Variants in SLC2A13 observed in about 807,000 individuals in gnomAD.
SLC2A13 encodes the protein solute carrier family 2 member 13, also known as proton myo-inositol cotransporter.
SLC2A13 carries 32 observed loss-of-function variants against 64.4 expected under a neutral mutation model. The observed-to-expected ratio is 0.50, with a 90% CI of 0.37 to 0.67. The LOEUF is 0.67. Among genes scored for constraint, SLC2A13 ranks in the 30% least tolerant of loss-of-function variants. SLC2A13 has a pLI of 0.00. For missense variants in SLC2A13, 743 were observed against 829.2 expected, an observed-to-expected ratio of 0.90 and a Z score of 1.28; for synonymous variants, 338 against 327.1, an observed-to-expected ratio of 1.03 and a Z score of -0.36.
intron 7 of SLC2A13, among the ~76,000 whole-genome samples, chr12:39,796,211 C>T (rs1477952890): frequency 5.9e-5 from 9 of 152,132 alleles, no homozygotes; most frequent in African/African-American, 2.2e-4. Flanking sequence ...CATTCACTCC[C>T]ACGATGTAGG....
At chr12:40,027,284 T>C (rs1355819984) in intron 3 of SLC2A13, among the ~76,000 whole-genome samples, 1 of 152,194 alleles carries the variant, frequency 6.6e-6, no homozygotes, top group East Asian at 1.9e-4. Context: ...AATGCTGACA[T>C]TGCTGGACAC....
chr12:39,805,299 C>G (rs1049617583), intron 7 of SLC2A13, among the ~76,000 whole-genome samples: 1 of 152,190 alleles, frequency 6.6e-6, no homozygotes, highest in African/African-American at 2.4e-5. Context: ...TGTGGCTGCT[C>G]TGCTTTGCAG....
chr12:39,879,134 T>C (rs1430014143), intron 4 of SLC2A13, among the ~76,000 whole-genome samples: 1 of 152,258 alleles, frequency 6.6e-6, no homozygotes, highest in Non-Finnish European at 1.5e-5. Flanking sequence ...AAGTGAAGAA[T>C]GCTTGGCAGC....
At chr12:39,783,556 C>T (rs530192250) in intron 7 of SLC2A13, among the ~76,000 whole-genome samples, 32 of 152,268 alleles carry the variant, frequency 2.1e-4, no homozygotes, top group African/African-American at 2.9e-4. Flanking sequence ...TTTTAATGAT[C>T]GCCATTCTAA....
At chr12:39,994,271 T>C (rs1453482236) in intron 3 of SLC2A13, among the ~76,000 whole-genome samples, 1 of 151,432 alleles carries the variant, frequency 6.6e-6, no homozygotes, top group Non-Finnish European at 1.5e-5. Flanking sequence ...TAGTCCCAGC[T>C]ACTCGGCAGG....
chr12:39,850,878 G>A (rs1433000120), intron 6 of SLC2A13, among the ~76,000 whole-genome samples: 1 of 151,674 alleles, frequency 6.6e-6, no homozygotes, highest in Non-Finnish European at 1.5e-5. Flanking sequence ...AGGAAGAGCT[G>A]AATATTTAGG....
At chr12:39,902,002 C>G (rs1592266777) in intron 4 of SLC2A13, among the ~76,000 whole-genome samples, 1 of 152,074 alleles carries the variant, frequency 6.6e-6, no homozygotes, top group East Asian at 1.9e-4. Flanking sequence ...CCATGGAATA[C>G]TATGCAGCCA....
At chr12:40,050,309 G>A (rs1038646515) in intron 1 of SLC2A13, among the ~76,000 whole-genome samples, 1 of 152,128 alleles carries the variant, frequency 6.6e-6, no homozygotes, top group African/African-American at 2.4e-5. Context: ...ATTTGAGCAT[G>A]GGAAATCAGG....
At chr12:39,874,615 CAAAA>C (rs11287868) in intron 4 of SLC2A13, among the ~76,000 whole-genome samples, 3 of 101,104 alleles carry the variant, frequency 3.0e-5, no homozygotes. Context: ...AACTCCATCT[CAAAA>C]AAAAAAAAAA....
intron 1 of SLC2A13, among the ~76,000 whole-genome samples, chr12:40,058,616 T>A (rs1452059747): frequency 4.6e-5 from 7 of 152,182 alleles, no homozygotes; most frequent in Non-Finnish European, 1.0e-4. Context: ...TTAATCAATT[T>A]CATATTTTGT....
rs962394460 is a variant in SLC2A13 at position 39,986,117 on chromosome 12, G to T, written c.926-34752C>A. Among the ~76,000 whole-genome samples the T allele has an allele frequency of 3.3e-5, 5 of 152,076 alleles. No homozygotes were observed. The South Asian group carries it at 1.0e-3, about 32-fold the overall frequency. ...AAAGGCCTTGGTTCCAATTGTGAGG[G>T]TTCCACCATGACCTAATCACCTCCC... On this transcript the variant is annotated intron_variant, in intron 3 of 9. Coordinates refer to ENST00000280871, the MANE Select transcript of SLC2A13 (RefSeq NM_052885.4).
intron 6 of SLC2A13, among the ~76,000 whole-genome samples, chr12:39,854,623 C>T (rs1434222787): frequency 6.6e-6 from 1 of 152,114 alleles, no homozygotes; most frequent in Non-Finnish European, 1.5e-5. Context: ...AATCTATATC[C>T]CAAAACTCAC....
chr12:39,994,148 G>A (rs919748542), intron 3 of SLC2A13, among the ~76,000 whole-genome samples: 25 of 151,998 alleles, frequency 1.6e-4, no homozygotes, highest in African/African-American at 4.8e-4. Flanking sequence ...CCAGCACTTC[G>A]GGAGGCTGAG....
intron 3 of SLC2A13, among the ~76,000 whole-genome samples, chr12:39,993,138 T>C (rs936829559): frequency 1.2e-4 from 19 of 152,230 alleles, no homozygotes; most frequent in African/African-American, 4.6e-4. Flanking sequence ...AATATTGTAA[T>C]AAAGATTTTA....
chr12:40,088,670 CT>C (rs995418276), intron 1 of SLC2A13, among the ~76,000 whole-genome samples: 50 of 152,180 alleles, frequency 3.3e-4, no homozygotes, highest in African/African-American at 1.1e-3. Context: ...TCTAAAAATG[CT>C]TTTTATTCAC....
intron 1 of SLC2A13, among the ~76,000 whole-genome samples, chr12:40,049,410 G>A (rs1485345697): frequency 6.6e-6 from 1 of 152,022 alleles, no homozygotes; most frequent in African/African-American, 2.4e-5. Context: ...TAAGAAACCT[G>A]TTGCTGTGTT....
intron 7 of SLC2A13, among the ~76,000 whole-genome samples, chr12:39,812,450 T>C (rs973853851): frequency 2.6e-5 from 4 of 151,248 alleles, no homozygotes; most frequent in Non-Finnish European, 5.9e-5. Flanking sequence ...TTTCTTCTCT[T>C]TCTTTCTTTC....
chr12:40,011,730 G>T (rs952778744), intron 3 of SLC2A13, among the ~76,000 whole-genome samples: 3 of 152,142 alleles, frequency 2.0e-5, no homozygotes, highest in Non-Finnish European at 2.9e-5. Flanking sequence ...CCTAGCTCCA[G>T]AATCTTTTGG....
At chr12:39,996,666 GC>G (rs1947236581) in intron 3 of SLC2A13, among the ~76,000 whole-genome samples, 2 of 152,318 alleles carry the variant, frequency 1.3e-5, no homozygotes, top group East Asian at 3.9e-4. Flanking sequence ...GCTGGAAGGG[GC>G]CAACATAGAG....
Sources: allele counts gnomAD v4.1 joint callset (sites outside exome capture counted in the v4.1 genomes callset), GRCh38; gene constraint gnomAD v4.1.1; transcripts MANE v1.5; gene names NCBI Gene and HGNC (gene_info 2026-07-23, HGNC 2026-07-21).